MYOZ3: variants seen among roughly 807,000 people sequenced by gnomAD.
MYOZ3 encodes myozenin 3.
Under a neutral mutation model 26.5 loss-of-function variants are expected in MYOZ3, and 19 were observed. The ratio of observed to expected loss-of-function variants is 0.72; its 90% CI spans 0.50 to 1.05. The LOEUF is 1.05. Among genes scored for constraint, MYOZ3 ranks in the 50% least tolerant of loss-of-function variants. The probability of loss-of-function intolerance (pLI) is 0.00; values close to 1 mark genes in which losing one functional copy is unlikely to be tolerated. For missense variants in MYOZ3, 322 were observed against 337.1 expected (o/e 0.96, Z 0.35); for synonymous variants, 135 against 138.8 (o/e 0.97, Z 0.19).
intron 2 of MYOZ3, among the ~76,000 whole-genome samples, chr5:150,665,397 A>G (rs928999892): frequency 6.6e-6 from 1 of 152,150 alleles, no homozygotes; most frequent in Non-Finnish European, 1.5e-5. Flanking sequence ...TTCTCTGTAG[A>G]AGGTGGTGGT....
chr5:150,674,593 T>A (rs1322709118), intron 6 of MYOZ3, among the ~76,000 whole-genome samples: 2 of 152,234 alleles, frequency 1.3e-5, no homozygotes, highest in East Asian at 3.8e-4. Flanking sequence ...CTTTCCTGGC[T>A]GGGACTCAGG....
chr5:150,661,864 C>T (rs946951257), intron 1 of MYOZ3, among the ~76,000 whole-genome samples: 2 of 152,204 alleles, frequency 1.3e-5, no homozygotes, highest in Non-Finnish European at 2.9e-5. Flanking sequence ...TAGACACACT[C>T]ATGTTTACGT....
At chr5:150,668,131 A>C (rs1194514434) in intron 2 of MYOZ3, among the ~76,000 whole-genome samples, 3 of 152,192 alleles carry the variant, frequency 2.0e-5, no homozygotes, top group Non-Finnish European at 4.4e-5. Context: ...TTGAAAAACC[A>C]GGCCAGTTGT....
intron 2 of MYOZ3, among the ~76,000 whole-genome samples, chr5:150,666,648 TAC>T (rs1554113791): frequency 1.4e-5 from 2 of 143,054 alleles, no homozygotes; most frequent in African/African-American, 5.3e-5. Context: ...TATATATATA[TAC>T]ACACACATAT....
intron 6 of MYOZ3, among the ~76,000 whole-genome samples, chr5:150,675,407 T>C (rs749008044): frequency 2.0e-5 from 3 of 152,058 alleles, no homozygotes; most frequent in Admixed American, 6.6e-5. Flanking sequence ...AGTTTTGCTT[T>C]TGTGGCCCAG....
At chr5:150,671,364 G>A in intron 3 of MYOZ3, 2 of 575,068 alleles carry the variant, frequency 3.5e-6, no homozygotes, top group Non-Finnish European at 6.2e-6. Context: ...GAGGCTCAGG[G>A]AAATTAAGTA....
chr5:150,676,238 A>C (rs373121100), intron 6 of MYOZ3, among the ~76,000 whole-genome samples: 13,360 of 152,044 alleles, frequency 0.088, 1,810 homozygotes, highest in African/African-American at 0.29. Context: ...GCAAAGTTGA[A>C]AAAAACCTCT....
At chr5:150,664,183 A>C (rs1034055840) in intron 2 of MYOZ3, among the ~76,000 whole-genome samples, 8 of 152,130 alleles carry the variant, frequency 5.3e-5, no homozygotes, top group Non-Finnish European at 1.0e-4. Flanking sequence ...GGAGTCAGTC[A>C]TATTTCATGA....
chr5:150,672,540 G>A lies in MYOZ3; in HGVS notation c.587+38G>A, dbSNP rs550156599. On this transcript the variant is annotated intron_variant, in intron 6 of 6. Coordinates refer to ENST00000517768, the MANE Select transcript of MYOZ3 (RefSeq NM_001122853.3). ...GGGCAGCCCGGGGGACAGACCGGGA[G>A]GGGCGGGAAGCCAGTCACAGCCACA... The A allele has an allele frequency of 3.0e-5, 45 of 1,525,384 alleles. No individual in the cohort carries two copies. In the South Asian group the frequency reaches 5.2e-4, roughly 18 times the overall value. 94.5% of individuals were successfully genotyped at this position (1,525,384 alleles called of 1,614,324 possible).
chr5:150,672,202 C>T, intron 5 of MYOZ3, 138 bp from the exon 6 acceptor site: 1 of 1,315,754 alleles, frequency 7.6e-7, no homozygotes, highest in South Asian at 1.3e-5. Context: ...GCAACTGTGG[C>T]TTCCCATTCC....
chr5:150,662,201 C>T (rs1433781793), intron 1 of MYOZ3, among the ~76,000 whole-genome samples: 1 of 152,180 alleles, frequency 6.6e-6, no homozygotes, highest in Non-Finnish European at 1.5e-5. Context: ...TGCCTCTTCT[C>T]CAGAGGGCAA....
intron 6 of MYOZ3, among the ~76,000 whole-genome samples, chr5:150,674,131 G>A (rs920835785): frequency 2.0e-5 from 3 of 152,206 alleles, no homozygotes; most frequent in Non-Finnish European, 2.9e-5. Context: ...CTTAGCATGC[G>A]CTGTGTGAGT....
chr5:150,672,389 C>T lies in MYOZ3; in HGVS notation c.474C>T (p.Thr158=), dbSNP rs758720115. 7 of 1,613,012 alleles carry T rather than the reference C, an allele frequency of 4.3e-6. No individual in the cohort carries two copies. Among genetic ancestry groups the T allele is most frequent in the East Asian group, 4.5e-5 (2 of 44,870 alleles). ...KGVPPEKFNH[T]AISKGYRCPW... Reference sequence around the variant, plus strand: ...TCCCGCCAGAGAAGTTCAACCACACCGCCATCTCCAAGGGCTACCGCTGCC... The same window carrying T: ...TCCCGCCAGAGAAGTTCAACCACACTGCCATCTCCAAGGGCTACCGCTGCC... Residue 158 remains threonine (T), a synonymous_variant, in exon 6 of 7, where the codon ACC becomes ACT. Transcript: ENST00000517768.
rs1258581350 is a variant in MYOZ3 at position 150,671,909 on chromosome 5, G to T, written c.424+1G>T. The T allele has an allele frequency of 6.5e-7, 1 of 1,534,578 alleles. No individual in the cohort carries two copies. The highest frequency in any genetic ancestry group is 8.7e-7 in the Non-Finnish European group (1 of 1,147,576). Reference sequence around the variant, plus strand: ...CCCAGCCCCAGCGCCCTGGCGCCAGGTGAGTGGCCTCCTCGGGTCCCGGGA... The same window carrying T: ...CCCAGCCCCAGCGCCCTGGCGCCAGTTGAGTGGCCTCCTCGGGTCCCGGGA... On this transcript the variant is annotated splice_donor_variant, in intron 5 of 6. Coordinates refer to ENST00000517768, the MANE Select transcript of MYOZ3 (RefSeq NM_001122853.3). LOFTEE classifies it high-confidence loss of function.
intron 3 of MYOZ3, among the ~76,000 whole-genome samples, chr5:150,671,085 T>G (rs572611685): frequency 6.6e-6 from 1 of 152,202 alleles, no homozygotes; most frequent in East Asian, 1.9e-4. Flanking sequence ...GTTTTTCCCT[T>G]GGCTTCAGAA....
chr5:150,669,402 G>A (rs1758864935), intron 2 of MYOZ3, among the ~76,000 whole-genome samples: 1 of 151,010 alleles, frequency 6.6e-6, no homozygotes, highest in African/African-American at 2.4e-5. Flanking sequence ...AGCCGAGATT[G>A]TGCCATTGCA....
chr5:150,672,773 A>G (rs986869230), intron 6 of MYOZ3: 11 of 436,382 alleles, frequency 2.5e-5, no homozygotes, highest in Non-Finnish European at 4.4e-5. Flanking sequence ...CCTGTTCTGC[A>G]GATGAAGAGG....
intron 3 of MYOZ3, among the ~76,000 whole-genome samples, chr5:150,671,203 A>G (rs1005267817): frequency 6.6e-6 from 1 of 152,200 alleles, no homozygotes; most frequent in Admixed American, 6.5e-5. Flanking sequence ...GTGATGTGGC[A>G]GAAAAATAAA....
chr5:150,670,610 CT>C lies in MYOZ3; in HGVS notation c.191del (p.Phe64SerfsTer3). 6.2e-7 allele frequency: 1 copy of C among 1,610,894 alleles called. No individual in the cohort carries two copies. On this transcript the variant is annotated frameshift_variant, in exon 3 of 7. Transcript: ENST00000517768. LOFTEE classifies it high-confidence loss of function. ...AGGCAGCGCCGTGTGCAGAAGTTCA[CT>C]TTCGAGTTAGCAGCCAGCCAGCGGG... ...QKRQRRVQKF[T>X]FELAASQRAM...
Sources: gnomAD v4.1 joint callset for allele counts (sites outside exome capture counted in the v4.1 genomes callset) on GRCh38, gnomAD v4.1.1 for gene constraint, MANE v1.5 for transcripts, NCBI Gene and HGNC (gene_info 2026-07-23, HGNC 2026-07-21) for gene names.